KAZN: variants seen among roughly 807,000 people sequenced by gnomAD.
The protein encoded by KAZN is kazrin, periplakin interacting protein.
Under a neutral mutation model 87.4 loss-of-function variants are expected in KAZN, and 40 were observed. That is an observed-to-expected ratio of 0.46 (90% CI 0.36 to 0.60). KAZN has a LOEUF of 0.60. Ranked by LOEUF, KAZN falls within the 20% of genes least tolerant of loss-of-function variation. KAZN has a pLI of 0.00. For missense variants in KAZN, 898 were observed against 1,073.9 expected (o/e 0.84, Z 2.29); for synonymous variants, 466 against 458.3 (o/e 1.02, Z -0.22).
rs141067564 is a variant in KAZN, at chr1:14,739,388, G to C, written c.226+140165G>C. 3.3e-5 allele frequency among the ~76,000 whole-genome samples: 5 copies of C among 152,008 alleles called. No homozygotes were observed. In the East Asian group the frequency reaches 9.8e-4, roughly 30 times the overall value. ...CCCAGCTTTATTAGGTGCTGGCATCGGAAGTACAAGCAAGAGACGGGCAGT... is the reference window on the plus strand; with the variant it reads ...CCCAGCTTTATTAGGTGCTGGCATCCGAAGTACAAGCAAGAGACGGGCAGT... On this transcript the variant is annotated intron_variant, in intron 1 of 14. Coordinates refer to ENST00000376030, the MANE Select transcript of KAZN (RefSeq NM_201628.3).
chr1:14,889,420 T>C (rs1654465242), intron 1 of KAZN, among the ~76,000 whole-genome samples: 1 of 152,240 alleles, frequency 6.6e-6, no homozygotes, highest in African/African-American at 2.4e-5. Flanking sequence ...ATATAAAGCA[T>C]GGGTGCATCT....
intron 1 of KAZN, among the ~76,000 whole-genome samples, chr1:14,721,576 A>AG (rs1643109108): frequency 6.6e-6 from 1 of 152,198 alleles, no homozygotes; most frequent in South Asian, 2.1e-4. Context: ...GGTTGTGTTG[A>AG]GTATTTACCT....
intron 2 of KAZN, among the ~76,000 whole-genome samples, chr1:14,315,387 A>G (rs1655585465): frequency 6.6e-6 from 1 of 152,174 alleles, no homozygotes; most frequent in African/African-American, 2.4e-5. Context: ...TCAATAAGTA[A>G]TAATTACATA....
At chr1:14,747,745 C>T (rs528766333) in intron 1 of KAZN, among the ~76,000 whole-genome samples, 34 of 152,328 alleles carry the variant, frequency 2.2e-4, no homozygotes, top group Non-Finnish European at 4.7e-4. Flanking sequence ...TGCTGGGTCA[C>T]ATGATAATTC....
chr1:14,138,909 G>C (rs1392739565), intron 1 of KAZN, among the ~76,000 whole-genome samples: 3 of 152,196 alleles, frequency 2.0e-5, no homozygotes, highest in Non-Finnish European at 2.9e-5. Flanking sequence ...CACATGCCTG[G>C]TTCAGGGAGA....
intron 1 of KAZN, among the ~76,000 whole-genome samples, chr1:14,619,047 C>T (rs1166449753): frequency 6.6e-6 from 1 of 151,968 alleles, no homozygotes; most frequent in Admixed American, 6.5e-5. Flanking sequence ...GGCTCAAGAT[C>T]TGGGTGGGAT....
At chr1:14,957,189 CA>C (rs140448345) in intron 1 of KAZN, among the ~76,000 whole-genome samples, 2 of 152,306 alleles carry the variant, frequency 1.3e-5, no homozygotes, top group East Asian at 3.9e-4. Flanking sequence ...GGCATGGCCC[CA>C]AAAGCAAACC....
chr1:14,676,996 G>A (rs1238717762), intron 1 of KAZN, among the ~76,000 whole-genome samples: 2 of 151,766 alleles, frequency 1.3e-5, no homozygotes, highest in East Asian at 3.9e-4. Flanking sequence ...ATATAGGAAA[G>A]GACTGAGTAA....
chr1:15,033,646 T>A (rs909249144), intron 2 of KAZN, among the ~76,000 whole-genome samples: 1 of 152,238 alleles, frequency 6.6e-6, no homozygotes, highest in Non-Finnish European at 1.5e-5. Flanking sequence ...GTGGTTTTGA[T>A]TTGCATTTCC....
intron 1 of KAZN, among the ~76,000 whole-genome samples, chr1:13,952,430 G>A (rs1466192600): frequency 1.3e-5 from 2 of 151,882 alleles, no homozygotes; most frequent in African/African-American, 4.8e-5. Context: ...GAAACAGAAT[G>A]GCCAGCACAG....
intron 2 of KAZN, among the ~76,000 whole-genome samples, chr1:14,319,503 G>GC (rs1193866682): frequency 6.9e-6 from 1 of 145,042 alleles, no homozygotes; most frequent in African/African-American, 2.9e-5. Context: ...AGTAGAGGGA[G>GC]GGGGGCTCTA....
intron 1 of KAZN, among the ~76,000 whole-genome samples, chr1:14,608,855 G>T (rs1412719623): frequency 6.6e-6 from 1 of 152,206 alleles, no homozygotes; most frequent in Admixed American, 6.5e-5. Context: ...TAAACATGGT[G>T]TATTTAAACC....
chr1:13,927,059 G>A (rs1489714050), intron 1 of KAZN, among the ~76,000 whole-genome samples: 5 of 152,198 alleles, frequency 3.3e-5, no homozygotes, highest in Non-Finnish European at 7.3e-5. Context: ...TGGCAGCTAT[G>A]CTAAAAAAGA....
intron 2 of KAZN, among the ~76,000 whole-genome samples, chr1:14,515,519 A>G (rs1671253950): frequency 6.6e-6 from 1 of 152,182 alleles, no homozygotes; most frequent in African/African-American, 2.4e-5. Flanking sequence ...AGAATCTTCA[A>G]TGCAGGAGCT....
At chr1:14,955,934 T>C (rs72871896) in intron 1 of KAZN, among the ~76,000 whole-genome samples, 10,854 of 152,286 alleles carry the variant, frequency 0.071, 1,308 homozygotes, top group African/African-American at 0.25. Flanking sequence ...AAACACAAGA[T>C]GCCCAGTTAA....
chr1:15,018,802 G>A (rs1007327073), intron 2 of KAZN, among the ~76,000 whole-genome samples: 1 of 152,070 alleles, frequency 6.6e-6, no homozygotes, highest in Non-Finnish European at 1.5e-5. Flanking sequence ...TGGCACAGGC[G>A]GGCAGCCACA....
intron 2 of KAZN, among the ~76,000 whole-genome samples, chr1:14,298,517 A>G (rs1654295730): frequency 6.6e-6 from 1 of 152,140 alleles, no homozygotes; most frequent in Non-Finnish European, 1.5e-5. Context: ...ACCTCCCCCC[A>G]TGCAAGTGTA....
In KAZN at chr1:15,071,751, T is replaced by C. The variant is rs115786201; in HGVS notation, c.1222+5998T>C. ...TATTCATCCTGAAAATGGCAGGACCTCTGATGACCTAGCACGTGCCTTGCA... is the reference window on the plus strand; with the variant it reads ...TATTCATCCTGAAAATGGCAGGACCCCTGATGACCTAGCACGTGCCTTGCA... On this transcript the variant is annotated intron_variant, in intron 8 of 14. Transcript: ENST00000376030. Among the ~76,000 whole-genome samples the C allele has an allele frequency of 5.3e-3, 814 of 152,302 alleles. 5 individuals carry two copies. The highest frequency in any genetic ancestry group is 0.018 in the African/African-American group (764 of 41,548).
intron 1 of KAZN, among the ~76,000 whole-genome samples, chr1:14,821,085 G>A (rs1400404682): frequency 2.6e-5 from 4 of 152,164 alleles, no homozygotes; most frequent in African/African-American, 7.2e-5. Flanking sequence ...AATAGTAGAG[G>A]CTGGAAGAAA....
Sources: gnomAD v4.1 joint callset for allele counts (sites outside exome capture counted in the v4.1 genomes callset) on GRCh38, gnomAD v4.1.1 for gene constraint, MANE v1.5 for transcripts, NCBI Gene and HGNC (gene_info 2026-07-23, HGNC 2026-07-21) for gene names.